The following KDM4C variants were observed in gnomAD, a reference collection of about 807,000 sequenced individuals.
KDM4C encodes lysine-specific demethylase 4C.
KDM4C carries 81 observed loss-of-function variants against 129.3 expected under a neutral mutation model. The ratio of observed to expected loss-of-function variants is 0.63; its 90% CI spans 0.52 to 0.75. KDM4C has a LOEUF of 0.75. KDM4C is among the 30% of genes least tolerant of loss of function. KDM4C has a pLI of 0.00. For missense variants in KDM4C, 1,457 were observed against 1,304.0 expected, an observed-to-expected ratio of 1.12 and a Z score of -1.81; for synonymous variants, 573 against 456.1, an observed-to-expected ratio of 1.26 and a Z score of -3.26.
chr9:7,117,057 C>T (rs889645280), intron 18 of KDM4C, among the ~76,000 whole-genome samples: 1 of 151,800 alleles, frequency 6.6e-6, no homozygotes, highest in African/African-American at 2.4e-5. Context: ...ATGATTATAC[C>T]CATGTGACAG....
chr9:7,143,268 C>G (rs575194511), intron 19 of KDM4C, among the ~76,000 whole-genome samples: 1 of 152,206 alleles, frequency 6.6e-6, no homozygotes, highest in Non-Finnish European at 1.5e-5. Flanking sequence ...AGGATGCTAA[C>G]TAACCTTGTT....
intron 4 of KDM4C, among the ~76,000 whole-genome samples, chr9:6,828,154 C>CTT (rs1198996279): frequency 6.8e-6 from 1 of 147,202 alleles, no homozygotes. Flanking sequence ...GAATAAGTTT[C>CTT]TTTTTTTTTT....
chr9:7,100,945 C>T (rs1484442530), intron 17 of KDM4C, among the ~76,000 whole-genome samples: 1 of 152,098 alleles, frequency 6.6e-6, no homozygotes, highest in African/African-American at 2.4e-5. Flanking sequence ...TTTAGTTCCA[C>T]CTGTTTCCCA....
At chr9:7,117,337 T>C (rs1431492073) in intron 18 of KDM4C, among the ~76,000 whole-genome samples, 1 of 152,176 alleles carries the variant, frequency 6.6e-6, no homozygotes, top group African/African-American at 2.4e-5. Context: ...TGCATCTGTT[T>C]TAGTGTGTTT....
chr9:6,844,179 A>G (rs974299010), intron 4 of KDM4C, among the ~76,000 whole-genome samples: 1 of 152,124 alleles, frequency 6.6e-6, no homozygotes, highest in Non-Finnish European at 1.5e-5. Flanking sequence ...TACATTTTAT[A>G]GTTTTATAAC....
chr9:6,987,020 A>G lies in KDM4C; in HGVS notation c.1677+354A>G, dbSNP rs1417722046. On this transcript the variant is annotated intron_variant, in intron 11 of 21. Transcript: ENST00000381309. The stretch of plus-strand genomic sequence containing the variant: ...TTACTCAGTTTCTCCCAATGCTACC[A>G]TCTTAGAAAACTATAGTACAAAGTC... 3.3e-5 allele frequency among the ~76,000 whole-genome samples: 5 copies of G among 152,180 alleles called. No individual in the cohort carries two copies. In the South Asian group the frequency reaches 8.3e-4, roughly 25 times the overall value.
intron 8 of KDM4C, among the ~76,000 whole-genome samples, chr9:6,940,631 A>G (rs200055544): frequency 1.2e-3 from 105 of 85,102 alleles, no homozygotes; most frequent in African/African-American, 3.5e-3. Context: ...TGAAAGTGGG[A>G]AAAAAAACGT....
chr9:6,808,416 A>G (rs1246105878), intron 3 of KDM4C, among the ~76,000 whole-genome samples: 1 of 97,748 alleles, frequency 1.0e-5, no homozygotes, highest in Non-Finnish European at 1.9e-5. Context: ...GCTCTCTGAA[A>G]CATGTGCTGT....
intron 15 of KDM4C, among the ~76,000 whole-genome samples, chr9:7,034,568 C>T (rs1421121106): frequency 6.6e-6 from 1 of 152,076 alleles, no homozygotes; most frequent in Non-Finnish European, 1.5e-5. Context: ...TTTCTTTATT[C>T]ATCTTTCATT....
chr9:6,789,738 T>G (rs982112608), intron 1 of KDM4C, among the ~76,000 whole-genome samples: 3 of 151,994 alleles, frequency 2.0e-5, no homozygotes, highest in South Asian at 4.2e-4. Context: ...GCCCATGAAT[T>G]TGGGGGTATG....
intron 9 of KDM4C, among the ~76,000 whole-genome samples, chr9:6,981,363 G>C (rs927752271): frequency 6.6e-6 from 1 of 152,198 alleles, no homozygotes; most frequent in Admixed American, 6.5e-5. Flanking sequence ...GAACAATATA[G>C]AACTTGTTAG....
intron 15 of KDM4C, among the ~76,000 whole-genome samples, chr9:7,033,423 C>G (rs1264070523): frequency 1.3e-5 from 2 of 152,172 alleles, no homozygotes; most frequent in Admixed American, 6.5e-5. Flanking sequence ...CCTCTTGCCT[C>G]CTGAGGTGGC....
intron 15 of KDM4C, among the ~76,000 whole-genome samples, chr9:7,046,030 T>C (rs1247476799): frequency 6.6e-6 from 1 of 152,010 alleles, no homozygotes; most frequent in Non-Finnish European, 1.5e-5. Context: ...TTAAAAAATG[T>C]ATTAATGCAG....
At chr9:6,852,728 C>G (rs751827964) in intron 5 of KDM4C, among the ~76,000 whole-genome samples, 3 of 152,132 alleles carry the variant, frequency 2.0e-5, no homozygotes, top group Non-Finnish European at 4.4e-5. Flanking sequence ...CAAGTCTACT[C>G]CTTCCTCTTG....
chr9:6,919,277 C>CTTTCTTTCTTTCTTTCTG (rs1416409064), intron 8 of KDM4C, among the ~76,000 whole-genome samples: 6 of 34,594 alleles, frequency 1.7e-4, no homozygotes. Flanking sequence ...CTTTCTGTCT[C>CTTTCTTTCTTTCTTTCTG]TCTCTCTCTC....
intron 4 of KDM4C, among the ~76,000 whole-genome samples, chr9:6,826,839 C>T (rs1833962398): frequency 6.6e-6 from 1 of 151,636 alleles, no homozygotes; most frequent in Non-Finnish European, 1.5e-5. Context: ...TGCACTCCAG[C>T]CTGGGCGACA....
chr9:6,784,700 G>A (rs575274961), intron 1 of KDM4C, among the ~76,000 whole-genome samples: 3 of 152,190 alleles, frequency 2.0e-5, no homozygotes, highest in Non-Finnish European at 4.4e-5. Context: ...GGGATGAAAC[G>A]GATGAAATAA....
At chr9:6,730,387 A>G (rs2130207440) in intron 1 of KDM4C, among the ~76,000 whole-genome samples, 1 of 152,214 alleles carries the variant, frequency 6.6e-6, no homozygotes, top group South Asian at 2.1e-4. Flanking sequence ...AGGCCAAGGC[A>G]GGAGGATCAC....
At chr9:6,772,063 TC>T (rs1272877160) in intron 1 of KDM4C, among the ~76,000 whole-genome samples, 6 of 152,222 alleles carry the variant, frequency 3.9e-5, no homozygotes. Context: ...GGCTGCCTTC[TC>T]CCTTTATCAA....
Sources: gnomAD v4.1 joint callset for allele counts (sites outside exome capture counted in the v4.1 genomes callset) on GRCh38, gnomAD v4.1.1 for gene constraint, MANE v1.5 for transcripts, NCBI Gene and HGNC (gene_info 2026-07-23, HGNC 2026-07-21) for gene names.